The following C1QTNF4 variants were observed in gnomAD, a reference collection of about 807,000 sequenced individuals.
C1QTNF4 encodes the protein complement C1q tumor necrosis factor-related protein 4.
C1QTNF4 carries 12 observed loss-of-function variants against 14.6 expected under a neutral mutation model. The ratio of observed to expected loss-of-function variants is 0.82; its 90% CI spans 0.53 to 1.33. The LOEUF is 1.33. C1QTNF4 is among the 40% of genes most tolerant of loss of function. The probability of loss-of-function intolerance (pLI) is 0.00; values close to 1 mark genes in which losing one functional copy is unlikely to be tolerated. For synonymous variants in C1QTNF4, 278 were observed against 246.6 expected, an observed-to-expected ratio of 1.13 and a Z score of -1.19; for missense variants, 558 against 500.3, an observed-to-expected ratio of 1.12 and a Z score of -1.10.
In C1QTNF4 at chr11:47,589,684, C is replaced by T. The variant is rs2097274080; in HGVS notation, c.*137G>A. ...CAGGGGCCTGGGCTGCCGGGCGCTG[C>T]GCGTGCCCGCTTTCCGCTTTATTGG... On this transcript the variant is annotated 3_prime_UTR_variant, in exon 2 of 2. Coordinates refer to ENST00000302514, the MANE Select transcript of C1QTNF4 (RefSeq NM_031909.3). 4 of 832,318 alleles carry T rather than the reference C, an allele frequency of 4.8e-6. No homozygotes were observed. The highest frequency in any genetic ancestry group is 1.8e-5 in the African/African-American group (1 of 54,190). 51.6% of individuals were successfully genotyped at this position (832,318 alleles called of 1,614,324 possible).
rs2097277049 is a variant in C1QTNF4, at chr11:47,594,359, G to A, written c.-217C>T. 1 of 152,242 alleles carries A rather than the reference G, an allele frequency of 6.6e-6. No homozygotes were observed. The highest frequency in any genetic ancestry group is 2.4e-5 in the African/African-American group (1 of 41,392). The allele number at this position is 152,242 out of a possible 1,614,324, so 9.4% of individuals were successfully genotyped here. ...GGGGCCAGGGGCCGGGCGTGGGGAGGCGTGAGGGAAAGGGAAGGTCAGCTA... is the reference window on the plus strand; with the variant it reads ...GGGGCCAGGGGCCGGGCGTGGGGAGACGTGAGGGAAAGGGAAGGTCAGCTA... On this transcript the variant is annotated 5_prime_UTR_variant, in exon 1 of 2. Coordinates refer to ENST00000302514, the MANE Select transcript of C1QTNF4 (RefSeq NM_031909.3).
upstream of C1QTNF4, among the ~76,000 whole-genome samples, chr11:47,594,998 C>T (rs1258247547): frequency 1.3e-5 from 2 of 152,154 alleles, no homozygotes; most frequent in South Asian, 2.1e-4. Context: ...GAATTTTCTG[C>T]TGGGAAGGTT....
In C1QTNF4 at chr11:47,590,378, C is replaced by G; in HGVS notation, c.433G>C (p.Gly145Arg). 3.5e-6 allele frequency: 5 copies of G among 1,435,200 alleles called. No homozygotes were observed. The highest frequency in any genetic ancestry group is 3.6e-6 in the Non-Finnish European group (4 of 1,104,030). The allele number at this position is 1,435,200 out of a possible 1,614,324, so 88.9% of individuals were successfully genotyped here. Residue 145 changes from glycine to arginine, a missense_variant, in exon 2 of 2, where the codon GGC becomes CGC. Physicochemically the swap from Gly to Arg is moderately radical, Grantham distance 125. Transcript: ENST00000302514. The part of the protein sequence containing the change: ...RLHGAPQYAL[G>R]APGATFSGYL... ...CCGCTGAAGGTGGCGCCGGGCGCGC[C>G]TAGCGCGTACTGCGGGGCGCCATGC... is the stretch of plus-strand genomic sequence containing the variant.
At chr11:47,591,293 TG>T (rs2153796109) in intron 1 of C1QTNF4, among the ~76,000 whole-genome samples, 1 of 152,254 alleles carries the variant, frequency 6.6e-6, no homozygotes, top group African/African-American at 2.4e-5. Context: ...TTGGCCAGGC[TG>T]GTCTTGAACT....
rs1219996873 is a variant in C1QTNF4 at position 47,593,736 on chromosome 11, G to C, written c.-6+412C>G. ...CTTCAAAGAGAAAAACTGGGACACAGAGCTGGAGAGACCCAGAGCCCCGGA... is the reference window on the plus strand; with the variant it reads ...CTTCAAAGAGAAAAACTGGGACACACAGCTGGAGAGACCCAGAGCCCCGGA... On this transcript the variant is annotated intron_variant, in intron 1 of 1. Transcript: ENST00000302514. Among the ~76,000 whole-genome samples, 7 of 152,150 alleles carry C rather than the reference G, an allele frequency of 4.6e-5. No individual in the cohort carries two copies. The South Asian group carries it at 1.2e-3, about 27-fold the overall frequency.
At position 47,590,365 on chromosome 11, in the gene C1QTNF4, G is replaced by T. The variant is rs1296367001; in HGVS notation, c.446C>A (p.Ala149Asp). 7.2e-7 allele frequency: 1 copy of T among 1,379,934 alleles called. No individual in the cohort carries two copies. The highest frequency in any genetic ancestry group is 3.1e-5 in the East Asian group (1 of 32,428). 85.5% of individuals were successfully genotyped at this position (1,379,934 alleles called of 1,614,324 possible). Residue 149 changes from alanine to aspartate, a missense_variant, in exon 2 of 2, where the codon GCC (alanine) becomes GAC (aspartate). Ala to Asp is a moderately radical substitution (Grantham distance 126). Coordinates refer to ENST00000302514, the MANE Select transcript of C1QTNF4 (RefSeq NM_031909.3). ...APQYALGAPGATFSGYLVYAD... is the reference protein window; with the variant it reads ...APQYALGAPGDTFSGYLVYAD... The stretch of plus-strand genomic sequence containing the variant: ...GTAGACTAGGTAGCCGCTGAAGGTG[G>T]CGCCGGGCGCGCCTAGCGCGTACTG...
In C1QTNF4 at chr11:47,590,456, T is replaced by C; in HGVS notation, c.355A>G (p.Ser119Gly). 6.6e-7 allele frequency: 1 copy of C among 1,517,062 alleles called. No individual in the cohort carries two copies. Among genetic ancestry groups the C allele is most frequent in the Non-Finnish European group, 8.8e-7 (1 of 1,136,838 alleles). 94.0% of individuals were successfully genotyped at this position (1,517,062 alleles called of 1,614,324 possible). ...TCGAGCTGCAGCATGGCGCTCTGGC[T>C]GGCTGCGCGCCGCGCGCCTGGCCGC... ...QRRPGARRAA[S>G]QSAMLQLDYG... Residue 119 changes from serine to glycine, a missense_variant, in exon 2 of 2, where the codon AGC (serine) becomes GGC (glycine). Ser to Gly is a moderately conservative substitution (Grantham distance 56). Transcript: ENST00000302514.
chr11:47,593,758 C>T (rs1243707290), intron 1 of C1QTNF4, among the ~76,000 whole-genome samples: 3 of 151,966 alleles, frequency 2.0e-5, no homozygotes, highest in Non-Finnish European at 2.9e-5. Flanking sequence ...CCCAGAGCCC[C>T]GGAGCCAAGG....
At chr11:47,593,266 C>G (rs1343263005) in intron 1 of C1QTNF4, among the ~76,000 whole-genome samples, 1 of 152,176 alleles carries the variant, frequency 6.6e-6, no homozygotes, top group Non-Finnish European at 1.5e-5. Context: ...TTGTTCTGTG[C>G]CTCAGTTTAC....
chr11:47,591,225 C>T (rs575921688), intron 1 of C1QTNF4, among the ~76,000 whole-genome samples: 1 of 151,018 alleles, frequency 6.6e-6, no homozygotes, highest in African/African-American at 2.4e-5. Context: ...ATTACAGGTG[C>T]GCACCATCAC....
rs540258878 is a variant in C1QTNF4 at position 47,589,814 on chromosome 11, C to T, written c.*7G>A. On this transcript the variant is annotated 3_prime_UTR_variant, in exon 2 of 2. Transcript: ENST00000302514. ...TGGCCCTCCCGGGCTCTTCTCTGGC[C>T]CGGGGCTCACAGTAGCTCCGAGGCC... The T allele has an allele frequency of 4.6e-6, 7 of 1,521,192 alleles. No individual in the cohort carries two copies. In the South Asian group the frequency reaches 7.5e-5, roughly 16 times the overall value. The allele number at this position is 1,521,192 out of a possible 1,614,324, so 94.2% of individuals were successfully genotyped here.
Position 47,590,073 on chromosome 11 carries a change from C to T in C1QTNF4, c.738G>A (p.Lys246=), listed in dbSNP as rs147649645. The T allele has an allele frequency of 7.1e-5, 115 of 1,612,658 alleles. No individual in the cohort carries two copies. Among genetic ancestry groups the T allele is most frequent in the Middle Eastern group, 1.6e-4 (1 of 6,080 alleles). Residue 246 remains lysine (K), a synonymous_variant, in exon 2 of 2, where the codon AAG becomes AAA. Coordinates refer to ENST00000302514, the MANE Select transcript of C1QTNF4 (RefSeq NM_031909.3). ...GCACCTCGTCGCGGTTCTTCATCAGCTTAACCGACAGCGTCTTACGCGGCA... is the reference window on the plus strand; with the variant it reads ...GCACCTCGTCGCGGTTCTTCATCAGTTTAACCGACAGCGTCTTACGCGGCA... ...GKLPRKTLSV[K]LMKNRDEVQA... is the part of the protein sequence containing the mutation.
Position 47,590,380 on chromosome 11 carries a change from A to G in C1QTNF4, c.431T>C (p.Leu144Pro), listed in dbSNP as rs959690286. The G allele has an allele frequency of 2.3e-5, 33 of 1,447,062 alleles. No homozygotes were observed. The Admixed American group carries it at 7.5e-4, about 33-fold the overall frequency. The allele number at this position is 1,447,062 out of a possible 1,614,324, so 89.6% of individuals were successfully genotyped here. ...GCTGAAGGTGGCGCCGGGCGCGCCTAGCGCGTACTGCGGGGCGCCATGCAG... is the reference window on the plus strand; with the variant it reads ...GCTGAAGGTGGCGCCGGGCGCGCCTGGCGCGTACTGCGGGGCGCCATGCAG... ...LRLHGAPQYA[L>P]GAPGATFSGY... Residue 144 changes from leucine to proline, a missense_variant, in exon 2 of 2, where the codon CTA (leucine) becomes CCA (proline). By Grantham distance (98) the Leu-to-Pro change is moderately conservative (BLOSUM62 -3). Transcript: ENST00000302514.
Position 47,590,060 on chromosome 11 carries a change from G to A in C1QTNF4, c.751C>T (p.Arg251Cys). ...KTLSVKLMKN[R>C]DEVQAMIYDD... ...TAAATCATGGCCTGCACCTCGTCGC[G>A]GTTCTTCATCAGCTTAACCGACAGC... is the stretch of plus-strand genomic sequence containing the variant. The change falls in exon 2 of 2, where the codon CGC becomes TGC. Residue 251 changes from arginine to cysteine, a missense_variant. By Grantham distance (180) the Arg-to-Cys change is radical. Coordinates refer to ENST00000302514, the MANE Select transcript of C1QTNF4 (RefSeq NM_031909.3). 1 of 1,612,722 alleles carries A rather than the reference G, an allele frequency of 6.2e-7. No individual in the cohort carries two copies. The highest frequency in any genetic ancestry group is 8.5e-7 in the Non-Finnish European group (1 of 1,179,184).
In C1QTNF4 at chr11:47,589,837, G is replaced by A; in HGVS notation, c.974C>T (p.Ala325Val). 1.3e-6 allele frequency: 2 copies of A among 1,543,882 alleles called. No individual in the cohort carries two copies. Among genetic ancestry groups the A allele is most frequent in the Non-Finnish European group, 8.8e-7 (1 of 1,142,754 alleles). Residue 325 changes from alanine to valine, a missense_variant, in exon 2 of 2, where the codon GCC becomes GTC. Transcript: ENST00000302514. ...GCCCGGGGCTCACAGTAGCTCCGAGGCCCCGAGGCCCGGCGGGGCGGCGGG... is the reference window on the plus strand; with the variant it reads ...GCCCGGGGCTCACAGTAGCTCCGAGACCCCGAGGCCCGGCGGGGCGGCGGG... ...LAPAAPPGLG[A>V]SELL
At position 47,590,430 on chromosome 11, in the gene C1QTNF4, G is replaced by A. The variant is rs2097274750; in HGVS notation, c.381C>T (p.Asp127=). 2 of 1,509,362 alleles carry A rather than the reference G, an allele frequency of 1.3e-6. No homozygotes were observed. Among genetic ancestry groups the A allele is most frequent in the South Asian group, 1.2e-5 (1 of 80,152 alleles). 93.5% of individuals were successfully genotyped at this position (1,509,362 alleles called of 1,614,324 possible). ...AASQSAMLQL[D]YGDTVWLRLH... is the part of the protein sequence containing the mutation. ...GCCGCAGCCACACTGTGTCGCCGTA[G>A]TCGAGCTGCAGCATGGCGCTCTGGC... The change falls in exon 2 of 2, where the codon GAC becomes GAT. Residue 127 remains aspartate (D), a synonymous_variant. Transcript: ENST00000302514.
intron 1 of C1QTNF4, among the ~76,000 whole-genome samples, chr11:47,592,931 G>A (rs1468850542): frequency 6.6e-6 from 1 of 152,158 alleles, no homozygotes; most frequent in Non-Finnish European, 1.5e-5. Context: ...GGTGCTTTTT[G>A]TAATTCTCAC....
At chr11:47,592,072 C>G (rs2097275964) in intron 1 of C1QTNF4, among the ~76,000 whole-genome samples, 1 of 152,192 alleles carries the variant, frequency 6.6e-6, no homozygotes, top group African/African-American at 2.4e-5. Context: ...AGCTTCCTCC[C>G]CCTTGAAATC....
rs1473288161 is a variant in C1QTNF4, at chr11:47,590,373, CGCGCCTAGCGCGTACTGCGGG to C, written c.417_437del (p.Gln141_Pro147del). ...GGTAGCCGCTGAAGGTGGCGCCGGGCGCGCCTAGCGCGTACTGCGGGGCGCCATGCAGCCGCAGCCACACTG... is the reference window on the plus strand; with the variant it reads ...GGTAGCCGCTGAAGGTGGCGCCGGGCGCGCCATGCAGCCGCAGCCACACTG... On this transcript the variant is annotated inframe_deletion, in exon 2 of 2. Transcript: ENST00000302514. The C allele has an allele frequency of 7.9e-6, 11 of 1,391,326 alleles. No homozygotes were observed. Among genetic ancestry groups the C allele is most frequent in the African/African-American group, 1.5e-5 (1 of 64,826 alleles). 86.2% of individuals were successfully genotyped at this position (1,391,326 alleles called of 1,614,324 possible).
Sources: allele counts gnomAD v4.1 joint callset (sites outside exome capture counted in the v4.1 genomes callset), GRCh38; gene constraint gnomAD v4.1.1; transcripts MANE v1.5; gene names NCBI Gene and HGNC (gene_info 2026-07-23, HGNC 2026-07-21).